CNTN4: variants seen among roughly 807,000 people sequenced by gnomAD.
The protein encoded by CNTN4 is contactin-4.
Under a neutral mutation model 122.5 loss-of-function variants are expected in CNTN4, and 77 were observed. That is an observed-to-expected ratio of 0.63 (90% CI 0.52 to 0.76). CNTN4 has a LOEUF of 0.76. Among genes scored for constraint, CNTN4 ranks in the 30% least tolerant of loss-of-function variants. CNTN4 has a pLI of 0.00. For synonymous variants in CNTN4, 512 were observed against 447.0 expected (o/e 1.15, Z -1.83); for missense variants, 1,256 against 1,259.1 (o/e 1.00, Z 0.04).
chr3:2,393,303 A>G (rs1002937179), intron 3 of CNTN4, among the ~76,000 whole-genome samples: 3 of 152,100 alleles, frequency 2.0e-5, no homozygotes, highest in Admixed American at 1.3e-4. Context: ...TAATGACCCT[A>G]TTTTTAAATA....
At chr3:3,040,340 C>T (rs925836602) in intron 20 of CNTN4, 69 bp downstream of exon 20, 15 of 1,189,470 alleles carry the variant, frequency 1.3e-5, no homozygotes, top group Admixed American at 3.5e-5. Flanking sequence ...GATTGTAGCA[C>T]GTACAATCAA....
At chr3:2,793,402 C>T (rs1486659955) in intron 6 of CNTN4, among the ~76,000 whole-genome samples, 1 of 152,032 alleles carries the variant, frequency 6.6e-6, no homozygotes, top group Non-Finnish European at 1.5e-5. Context: ...TTCTCCATTT[C>T]TAGCTTTTAC....
chr3:2,287,060 G>T (rs2041928024), intron 2 of CNTN4, among the ~76,000 whole-genome samples: 1 of 152,132 alleles, frequency 6.6e-6, no homozygotes, highest in South Asian at 2.1e-4. Flanking sequence ...TGTCTCACTG[G>T]AACTCTTTGT....
chr3:2,870,401 G>A (rs959366011), intron 8 of CNTN4, among the ~76,000 whole-genome samples: 2 of 152,094 alleles, frequency 1.3e-5, no homozygotes, highest in Non-Finnish European at 2.9e-5. Context: ...TATATAAAAT[G>A]GACACTCAAA....
intron 2 of CNTN4, among the ~76,000 whole-genome samples, chr3:2,172,145 A>G (rs1377858841): frequency 6.6e-6 from 1 of 152,186 alleles, no homozygotes; most frequent in Non-Finnish European, 1.5e-5. Context: ...ATTAAGAATG[A>G]TTAGAAAATT....
chr3:2,564,154 TGTTGAACTACTTAACA>T (rs2079062813), intron 3 of CNTN4, among the ~76,000 whole-genome samples: 1 of 152,178 alleles, frequency 6.6e-6, no homozygotes, highest in African/African-American at 2.4e-5. Context: ...AAATTATCAT[TGTTGAACTACTTAACA>T]GAAAAGCAGT....
chr3:2,194,771 C>T (rs2037756914), intron 2 of CNTN4, among the ~76,000 whole-genome samples: 1 of 152,038 alleles, frequency 6.6e-6, no homozygotes, highest in African/African-American at 2.4e-5. Flanking sequence ...GAGCTGCAAG[C>T]CAAGGAATGC....
intron 4 of CNTN4, among the ~76,000 whole-genome samples, chr3:2,724,155 C>A (rs972011360): frequency 2.0e-5 from 3 of 152,140 alleles, no homozygotes; most frequent in Non-Finnish European, 4.4e-5. Context: ...CAAAGCTGAG[C>A]AAATCTCTGC....
intron 3 of CNTN4, among the ~76,000 whole-genome samples, chr3:2,519,853 TTGCGGGAAAAATA>T (rs1183485109): frequency 8.5e-5 from 13 of 152,156 alleles, no homozygotes; most frequent in Non-Finnish European, 1.8e-4. Context: ...CTCTCATTGG[TTGCGGGAAAAATA>T]TGCGGATTCA....
At chr3:2,720,409 G>A (rs990495410) in intron 4 of CNTN4, among the ~76,000 whole-genome samples, 5 of 152,066 alleles carry the variant, frequency 3.3e-5, no homozygotes, top group South Asian at 2.1e-4. Context: ...AGCATAACTC[G>A]TTCAGAGACC....
At chr3:2,980,737 G>A (rs73805479) in intron 13 of CNTN4, among the ~76,000 whole-genome samples, 4,393 of 152,302 alleles carry the variant, frequency 0.029, 109 homozygotes, top group African/African-American at 0.061. Flanking sequence ...GCAAGAGAGA[G>A]GAACATTCAA....
At chr3:2,433,085 A>C (rs1395789480) in intron 3 of CNTN4, among the ~76,000 whole-genome samples, 2 of 152,160 alleles carry the variant, frequency 1.3e-5, no homozygotes, top group Non-Finnish European at 2.9e-5. Context: ...AGCCACATAA[A>C]GTGCTGGATT....
intron 2 of CNTN4, among the ~76,000 whole-genome samples, chr3:2,132,886 A>C (rs1046467393): frequency 6.6e-6 from 1 of 152,184 alleles, no homozygotes; most frequent in African/African-American, 2.4e-5. Flanking sequence ...GATTTTGAAA[A>C]AGTGACAGCG....
intron 7 of CNTN4, among the ~76,000 whole-genome samples, chr3:2,844,407 A>G (rs760616397): frequency 2.4e-4 from 37 of 152,224 alleles, no homozygotes; most frequent in Non-Finnish European, 8.8e-5. Flanking sequence ...TGAATATGTA[A>G]TATAAGTCTC....
intron 2 of CNTN4, among the ~76,000 whole-genome samples, chr3:2,151,165 TC>T (rs2035479464): frequency 6.6e-6 from 1 of 152,126 alleles, no homozygotes; most frequent in East Asian, 1.9e-4. Context: ...CCTCAAGTGA[TC>T]CGCCCACCTC....
intron 4 of CNTN4, among the ~76,000 whole-genome samples, chr3:2,648,310 T>C (rs2150169721): frequency 6.6e-6 from 1 of 152,340 alleles, no homozygotes; most frequent in Middle Eastern, 3.4e-3. Flanking sequence ...TTTATTGCAC[T>C]TCACAGATTT....
At chr3:2,480,714 T>C (rs1264706632) in intron 3 of CNTN4, among the ~76,000 whole-genome samples, 2 of 152,208 alleles carry the variant, frequency 1.3e-5, no homozygotes, top group Non-Finnish European at 2.9e-5. Flanking sequence ...GCAGTCCCAA[T>C]CAAAATCCCA....
At chr3:2,747,291 C>T (rs1243233998) in intron 6 of CNTN4, among the ~76,000 whole-genome samples, 1 of 151,608 alleles carries the variant, frequency 6.6e-6, no homozygotes, top group Non-Finnish European at 1.5e-5. Context: ...TGCCTGTAGT[C>T]CCAGCTGCTC....
chr3:2,782,748 T>A (rs895752849), intron 6 of CNTN4, among the ~76,000 whole-genome samples: 2 of 152,192 alleles, frequency 1.3e-5, no homozygotes, highest in African/African-American at 4.8e-5. Context: ...AAGCTACTGC[T>A]TTTATTTCTC....
Sources: allele counts gnomAD v4.1 joint callset (sites outside exome capture counted in the v4.1 genomes callset), GRCh38; gene constraint gnomAD v4.1.1; transcripts MANE v1.5; gene names NCBI Gene and HGNC (gene_info 2026-07-23, HGNC 2026-07-21).